PRPF3: variants seen among roughly 807,000 people sequenced by gnomAD.
PRPF3 encodes U4/U6 small nuclear ribonucleoprotein Prp3.
In PRPF3, 3 loss-of-function variants were observed where a neutral mutation model predicts 89.2. That is an observed-to-expected ratio of 0.03 (90% confidence interval 0.02 to 0.09). PRPF3 has a LOEUF of 0.09. Ranked by LOEUF, PRPF3 falls within the 10% of genes least tolerant of loss-of-function variation. The probability of loss-of-function intolerance (pLI) is 1.00; values close to 1 mark genes in which losing one functional copy is unlikely to be tolerated. For missense variants in PRPF3, 463 were observed against 828.8 expected (o/e 0.56, Z 5.42); for synonymous variants, 270 against 289.1 (o/e 0.93, Z 0.67).
intron 4 of PRPF3, among the ~76,000 whole-genome samples, chr1:150,331,519 C>T (rs587743549): frequency 2.0e-5 from 3 of 152,106 alleles, no homozygotes; most frequent in Non-Finnish European, 2.9e-5. Context: ...CGCCCACCAC[C>T]ACACCCGGCT....
intron 15 of PRPF3, among the ~76,000 whole-genome samples, chr1:150,351,203 T>G (rs1553874281): frequency 6.6e-6 from 1 of 152,014 alleles, no homozygotes; most frequent in African/African-American, 2.4e-5. Flanking sequence ...AAGCGGAGGT[T>G]GCAGTGAGCC....
chr1:150,345,731 G>T lies in PRPF3; in HGVS notation c.1641-287G>T, dbSNP rs967702723. ...TTACATTGTCAAGAACAATGAGATT[G>T]TAAGTATTTTTGGATGATAGTAAAT... On this transcript the variant is annotated intron_variant, in intron 12 of 15. Coordinates refer to ENST00000324862, the MANE Select transcript of PRPF3 (RefSeq NM_004698.4). 16 of 408,598 alleles carry T rather than the reference G, an allele frequency of 3.9e-5. No individual in the cohort carries two copies. In the East Asian group the frequency reaches 9.2e-4, roughly 24 times the overall value. The allele number at this position is 408,598 out of a possible 1,614,324, so 25.3% of individuals were successfully genotyped here.
chr1:150,342,935 C>T (rs1220094314), intron 9 of PRPF3, among the ~76,000 whole-genome samples: 4 of 152,212 alleles, frequency 2.6e-5, no homozygotes, highest in African/African-American at 9.6e-5. Context: ...TATCAAAGTG[C>T]TAGAATTACA....
Position 150,338,109 on chromosome 1 carries a change from G to C in PRPF3, c.1036-51G>C, listed in dbSNP as rs1553868740. ...AAAAAATTGAGATTCTACACATTCT[G>C]TTTTCTATGACTCCAATTTATCTTT... On this transcript the variant is annotated intron_variant, in intron 7 of 15. Transcript: ENST00000324862. 1.9e-6 allele frequency: 3 copies of C among 1,573,342 alleles called. No homozygotes were observed. The Admixed American group carries it at 5.2e-5, about 27-fold the overall frequency.
At chr1:150,335,307 A>T in intron 7 of PRPF3, 66 bp downstream of exon 7, 1 of 1,534,166 alleles carries the variant, frequency 6.5e-7, no homozygotes, top group Non-Finnish European at 9.0e-7. Flanking sequence ...AAACATTGTT[A>T]AATCTCTGTG....
rs587697289 is a variant in PRPF3, at chr1:150,347,801, C to G, written c.1843+1310C>G. Reference sequence around the variant, plus strand: ...CAGCCTAGCCTTCCTTATACTTTCTCAGAATACTTAGATTAGCCTACAGTT... The same window carrying G: ...CAGCCTAGCCTTCCTTATACTTTCTGAGAATACTTAGATTAGCCTACAGTT... On this transcript the variant is annotated intron_variant, in intron 14 of 15. Coordinates refer to ENST00000324862, the MANE Select transcript of PRPF3 (RefSeq NM_004698.4). Among the ~76,000 whole-genome samples the G allele has an allele frequency of 3.6e-4, 55 of 152,212 alleles. 1 individual carries two copies. In the South Asian group the frequency reaches 9.9e-3, roughly 28 times the overall value.
rs587674004 is a variant in PRPF3, at chr1:150,349,029, G to C, written c.1844-128G>C. The C allele has an allele frequency of 7.3e-6, 6 of 821,310 alleles. No individual in the cohort carries two copies. The South Asian group carries it at 8.5e-5, about 12-fold the overall frequency. The allele number at this position is 821,310 out of a possible 1,614,324, so 50.9% of individuals were successfully genotyped here. ...AATTTGGGGAAAATAAAGAGCAACAGAAAAGAGAACACTTGGTCCAACACA... is the reference window on the plus strand; with the variant it reads ...AATTTGGGGAAAATAAAGAGCAACACAAAAGAGAACACTTGGTCCAACACA... On this transcript the variant is annotated intron_variant, in intron 14 of 15. Transcript: ENST00000324862.
rs1553872377 is a variant in PRPF3, at chr1:150,344,515, C to T, written c.1608C>T (p.Asp536=). ...AGAAAATTAAAAAGCTTAAAGAAGA[C>T]ATTTCACAGGGGGTACACATATCTG... ...KVKKIKKLKE[D]ISQGVHISVY... Residue 536 remains aspartate, a synonymous_variant, in exon 12 of 16, where the codon GAC becomes GAT. Transcript: ENST00000324862. The T allele has an allele frequency of 6.2e-7, 1 of 1,613,996 alleles. No homozygotes were observed. The highest frequency in any genetic ancestry group is 1.3e-5 in the African/African-American group (1 of 74,914).
At chr1:150,323,961 A>G (rs1369636466) in intron 1 of PRPF3, among the ~76,000 whole-genome samples, 2 of 151,470 alleles carry the variant, frequency 1.3e-5, no homozygotes, top group Non-Finnish European at 2.9e-5. Context: ...TGTAGTTTTT[A>G]GTAGAGATGG....
chr1:150,346,378 T>A (rs1553872946), intron 13 of PRPF3, 30 bp from the exon 14 acceptor site: 3 of 1,596,528 alleles, frequency 1.9e-6, no homozygotes, highest in Admixed American at 1.7e-5. Flanking sequence ...CTTCCACAGT[T>A]CTGGCAAAAT....
chr1:150,343,130 TA>T, intron 9 of PRPF3, 178 bp from the exon 10 acceptor site: 1 of 239,430 alleles, frequency 4.2e-6, no homozygotes, highest in Non-Finnish European at 7.9e-6. Flanking sequence ...TAATCCTAGC[TA>T]CTCGGGAGGC....
At chr1:150,325,232 G>T in intron 2 of PRPF3, 145 bp downstream of exon 2, 1 of 879,534 alleles carries the variant, frequency 1.1e-6, no homozygotes, top group Non-Finnish European at 1.7e-6. Flanking sequence ...GTGAAAATAG[G>T]CTAAATAATA....
intron 9 of PRPF3, among the ~76,000 whole-genome samples, chr1:150,341,464 G>A (rs1250304583): frequency 1.5e-5 from 2 of 136,074 alleles, no homozygotes; most frequent in Admixed American, 8.6e-5. Context: ...GCAGTGCAAC[G>A]GCATGATCTC....
intron 8 of PRPF3, among the ~76,000 whole-genome samples, chr1:150,339,388 G>A (rs1553869401): frequency 1.3e-5 from 2 of 149,768 alleles, no homozygotes; most frequent in Non-Finnish European, 3.0e-5. Context: ...AAAAAAAAAA[G>A]GATATAAGAC....
intron 15 of PRPF3, among the ~76,000 whole-genome samples, chr1:150,351,652 C>T (rs1190978522): frequency 2.0e-5 from 3 of 148,512 alleles, no homozygotes; most frequent in Non-Finnish European, 4.5e-5. Context: ...AGGTCCACAC[C>T]ACTGTGCCTG....
chr1:150,350,829 C>T (rs1048171641), intron 15 of PRPF3, among the ~76,000 whole-genome samples: 1 of 151,992 alleles, frequency 6.6e-6, no homozygotes, highest in Non-Finnish European at 1.5e-5. Context: ...GGCCTGGTGG[C>T]GTCTGCCTGT....
At position 150,349,010 on chromosome 1, in the gene PRPF3, G is replaced by A. The variant is rs1625468; in HGVS notation, c.1844-147G>A. On this transcript the variant is annotated intron_variant, in intron 14 of 15. Transcript: ENST00000324862. ...TACTTGGAGCTTCAAGTCTAATTTG[G>A]GGAAAATAAAGAGCAACAGAAAAGA... 0.36 allele frequency: 263,118 copies of A among 735,182 alleles called. 50,938 individuals are homozygous for A. Among genetic ancestry groups the A allele is most frequent in the Middle Eastern group, 0.42 (1,523 of 3,616 alleles). 45.5% of individuals were successfully genotyped at this position (735,182 alleles called of 1,614,324 possible).
intron 8 of PRPF3, among the ~76,000 whole-genome samples, chr1:150,338,649 G>A (rs1163282006): frequency 2.0e-5 from 3 of 152,016 alleles, no homozygotes; most frequent in Admixed American, 1.3e-4. Context: ...CAAGTAGCTG[G>A]GACTACAGGT....
chr1:150,344,522 C>G lies in PRPF3; in HGVS notation c.1615C>G (p.Gln539Glu). 1 of 1,614,090 alleles carries G rather than the reference C, an allele frequency of 6.2e-7. No individual in the cohort carries two copies. The highest frequency in any genetic ancestry group is 8.5e-7 in the Non-Finnish European group (1 of 1,180,010). The change falls in exon 12 of 16, where the codon CAG (glutamine) becomes GAG (glutamate). Residue 539 changes from glutamine (Q) to glutamate (E), a missense_variant. By Grantham distance (29) the Gln-to-Glu change is conservative. Around this residue, in one of 8 missense-constraint regions of PRPF3, gnomAD observed 261 missense variants for 475.8 expected, o/e 0.55. Transcript: ENST00000324862. ...KIKKLKEDIS[Q>E]GVHISVYRVR... The stretch of plus-strand genomic sequence containing the variant: ...TAAAAAGCTTAAAGAAGACATTTCA[C>G]AGGGGGTACACATATCTGTATATAG...
Sources: gnomAD v4.1 joint callset for allele counts (sites outside exome capture counted in the v4.1 genomes callset) on GRCh38, gnomAD v4.1.1 for gene constraint, gnomAD v4.1.1 regional missense constraint, MANE v1.5 for transcripts, NCBI Gene and HGNC (gene_info 2026-07-23, HGNC 2026-07-21) for gene names.